KCNQ3: variants seen among roughly 807,000 people sequenced by gnomAD.
KCNQ3 encodes potassium voltage-gated channel subfamily KQT member 3.
KCNQ3 carries 30 observed loss-of-function variants against 92.5 expected under a neutral mutation model. That is an observed-to-expected ratio of 0.32 (90% CI 0.24 to 0.44). The LOEUF (loss-of-function observed/expected upper bound fraction) is 0.44. Ranked by LOEUF, KCNQ3 falls within the 20% of genes least tolerant of loss-of-function variation. The pLI, the probability that KCNQ3 is intolerant of heterozygous loss-of-function variation, is 1.00. For synonymous variants in KCNQ3, 450 were observed against 468.8 expected, an observed-to-expected ratio of 0.96 and a Z score of 0.52; for missense variants, 913 against 1,140.3, an observed-to-expected ratio of 0.80 and a Z score of 2.87.
intron 1 of KCNQ3, among the ~76,000 whole-genome samples, chr8:132,187,838 T>TGGC (rs1333812428): frequency 1.6e-5 from 2 of 124,620 alleles, no homozygotes; most frequent in Non-Finnish European, 3.3e-5. Context: ...GTGATTGTGG[T>TGGC]GGTGGTGGTG....
rs2130922167 is a variant in KCNQ3, at chr8:132,129,131, T to C, written c.*131A>G. 1.8e-6 allele frequency: 2 copies of C among 1,088,948 alleles called. No individual in the cohort carries two copies. The highest frequency in any genetic ancestry group is 2.7e-6 in the Non-Finnish European group (2 of 746,868). The allele number at this position is 1,088,948 out of a possible 1,614,324, so 67.5% of individuals were successfully genotyped here. ...AGGCTGTGGGAAGCCCCTGCCTGGG[T>C]GGGGCCACCACGCACACGCATGCAT... On this transcript the variant is annotated 3_prime_UTR_variant, in exon 15 of 15. Coordinates refer to ENST00000388996, the MANE Select transcript of KCNQ3 (RefSeq NM_004519.4). This position sits in a 1 kb window ranked among gnomAD's most constrained non-coding sequence, Gnocchi z 5.9.
chr8:132,225,220 AG>A (rs1224123998), intron 1 of KCNQ3, among the ~76,000 whole-genome samples: 5 of 152,234 alleles, frequency 3.3e-5, no homozygotes, highest in African/African-American at 1.2e-4. Context: ...TAATTCTAAT[AG>A]GGATGTGATA....
chr8:132,380,130 T>C (rs192018230), intron 1 of KCNQ3, among the ~76,000 whole-genome samples: 403 of 152,304 alleles, frequency 2.6e-3, no homozygotes, highest in Middle Eastern at 0.014. Context: ...ATTGCCTCAT[T>C]TTTGTTCAAG....
chr8:132,149,903 T>C (rs1825582733), intron 9 of KCNQ3, among the ~76,000 whole-genome samples: 1 of 152,196 alleles, frequency 6.6e-6, no homozygotes, highest in Admixed American at 6.5e-5. Flanking sequence ...AGTCCAGCTC[T>C]GTCCCACAAT....
chr8:132,149,539 T>A (rs536516478), intron 9 of KCNQ3, among the ~76,000 whole-genome samples: 1 of 152,300 alleles, frequency 6.6e-6, no homozygotes, highest in South Asian at 2.1e-4. Context: ...GAGGGTGGAA[T>A]GGGGACCCAA....
intron 1 of KCNQ3, among the ~76,000 whole-genome samples, chr8:132,362,268 T>C (rs2130724507): frequency 6.6e-6 from 1 of 152,332 alleles, no homozygotes; most frequent in African/African-American, 2.4e-5. Context: ...TACATCTTAG[T>C]TTAGATCTAC....
intron 3 of KCNQ3, among the ~76,000 whole-genome samples, chr8:132,180,768 G>T (rs1037283288): frequency 6.6e-6 from 1 of 150,964 alleles, no homozygotes; most frequent in South Asian, 2.1e-4. Context: ...AGGAACTTGG[G>T]TTCAAGTAAT....
rs10691178 is a variant in KCNQ3 at position 132,364,694 on chromosome 8, C to CGGAT, written c.386+115449_386+115452dup. ...ATGGACGGACGGACGGACGGACGGACGGATGGATGGATGGATGGATGGATG... is the reference window on the plus strand; with the variant it reads ...ATGGACGGACGGACGGACGGACGGACGGATGGATGGATGGATGGATGGATGGATG... On this transcript the variant is annotated intron_variant, in intron 1 of 14. Coordinates refer to ENST00000388996, the MANE Select transcript of KCNQ3 (RefSeq NM_004519.4). Among the ~76,000 whole-genome samples the CGGAT allele has an allele frequency of 1.3e-3, 173 of 138,040 alleles. 1 individual carries two copies. Among genetic ancestry groups the CGGAT allele is most frequent in the Middle Eastern group, 3.6e-3 (1 of 276 alleles). 90.6% of individuals were successfully genotyped at this position (138,040 alleles called of 152,430 possible).
intron 7 of KCNQ3, 130 bp downstream of exon 7, chr8:132,172,468 C>A (rs1410996242): frequency 1.2e-6 from 1 of 818,074 alleles, no homozygotes; most frequent in Non-Finnish European, 2.1e-6. Context: ...CACATGGAAT[C>A]CTGGGTCCTG....
chr8:132,266,658 T>C (rs1815991822), intron 1 of KCNQ3, among the ~76,000 whole-genome samples: 1 of 151,940 alleles, frequency 6.6e-6, no homozygotes, highest in African/African-American at 2.4e-5. Context: ...AGGCCGAGAG[T>C]AGGGTTTCTC....
Position 132,129,208 on chromosome 8 carries a change from T to C in KCNQ3, c.*54A>G. 5.7e-6 allele frequency: 9 copies of C among 1,589,712 alleles called. No homozygotes were observed. The South Asian group carries it at 8.8e-5, about 16-fold the overall frequency. ...GGTAAGCGTCGGGTGTAAGAGTAAGTGAACTATACAAAGTCTGTCTACATT... is the reference window on the plus strand; with the variant it reads ...GGTAAGCGTCGGGTGTAAGAGTAAGCGAACTATACAAAGTCTGTCTACATT... On this transcript the variant is annotated 3_prime_UTR_variant, in exon 15 of 15. Coordinates refer to ENST00000388996, the MANE Select transcript of KCNQ3 (RefSeq NM_004519.4). The surrounding 1 kb of genome is among the most constrained non-coding windows in gnomAD (Gnocchi z 5.9).
At chr8:132,194,543 C>A (rs528641370) in intron 1 of KCNQ3, among the ~76,000 whole-genome samples, 3 of 152,248 alleles carry the variant, frequency 2.0e-5, no homozygotes, top group East Asian at 1.9e-4. Flanking sequence ...GCCAGGAATG[C>A]GTTATTGAAA....
At chr8:132,459,344 G>T (rs1822010532) in intron 1 of KCNQ3, among the ~76,000 whole-genome samples, 1 of 152,176 alleles carries the variant, frequency 6.6e-6, no homozygotes, top group Admixed American at 6.5e-5. Flanking sequence ...TTTGGCTCAT[G>T]GTTCTGCAGG....
intron 1 of KCNQ3, among the ~76,000 whole-genome samples, chr8:132,297,499 T>A (rs7814194): frequency 6.6e-6 from 1 of 152,022 alleles, no homozygotes; most frequent in Non-Finnish European, 1.5e-5. Flanking sequence ...TAATTTTCCC[T>A]GTTCAAGAAG....
intron 11 of KCNQ3, among the ~76,000 whole-genome samples, chr8:132,139,731 G>A (rs937173916): frequency 6.6e-6 from 1 of 152,140 alleles, no homozygotes; most frequent in African/African-American, 2.4e-5. Flanking sequence ...TGAGCAAGAA[G>A]CCTCTACAGG....
intron 1 of KCNQ3, among the ~76,000 whole-genome samples, chr8:132,379,822 A>G (rs1206947410): frequency 6.6e-6 from 1 of 152,022 alleles, no homozygotes; most frequent in Non-Finnish European, 1.5e-5. Context: ...AGTTGCTATT[A>G]CTACTGGGGC....
At chr8:132,450,011 C>T (rs183978008) in intron 1 of KCNQ3, among the ~76,000 whole-genome samples, 3 of 152,240 alleles carry the variant, frequency 2.0e-5, no homozygotes, top group East Asian at 1.9e-4. Context: ...AGAATGAAGC[C>T]GTGGACCTCC....
chr8:132,322,109 T>C (rs1001932309), intron 1 of KCNQ3, among the ~76,000 whole-genome samples: 36 of 152,168 alleles, frequency 2.4e-4, no homozygotes, highest in Middle Eastern at 6.3e-3. Flanking sequence ...TTAAGTCATA[T>C]GACGGGTAGT....
chr8:132,395,314 G>A (rs1820165131), intron 1 of KCNQ3, among the ~76,000 whole-genome samples: 1 of 152,064 alleles, frequency 6.6e-6, no homozygotes, highest in Non-Finnish European at 1.5e-5. Flanking sequence ...ACATCATATT[G>A]TTAACTATGG....
Sources: gnomAD v4.1 joint callset for allele counts (sites outside exome capture counted in the v4.1 genomes callset) on GRCh38, gnomAD v4.1.1 for gene constraint, Gnocchi (gnomAD v3.1) non-coding constraint, MANE v1.5 for transcripts, NCBI Gene and HGNC (gene_info 2026-07-23, HGNC 2026-07-21) for gene names.